Variants in ALPK1 observed in about 807,000 individuals in gnomAD.
ALPK1 encodes the protein alpha kinase 1.
A neutral mutation model predicts 120.6 loss-of-function variants in ALPK1; 110 were observed. That is an observed-to-expected ratio of 0.91 (90% confidence interval 0.78 to 1.07). The LOEUF is 1.07. Among genes scored for constraint, ALPK1 ranks in the 50% least tolerant of loss-of-function variants. The pLI is 0.00. For missense variants in ALPK1, 1,498 were observed against 1,483.9 expected (o/e 1.01, Z -0.16); for synonymous variants, 582 against 560.3 (o/e 1.04, Z -0.55).
intron 4 of ALPK1, among the ~76,000 whole-genome samples, chr4:112,390,326 A>G (rs914399871): frequency 6.6e-6 from 1 of 152,134 alleles, no homozygotes; most frequent in African/African-American, 2.4e-5. Flanking sequence ...CTCAGCTCAC[A>G]TCTCAGTTCT....
In ALPK1 at chr4:112,440,987, A is replaced by G; in HGVS notation, c.3609A>G (p.Lys1203=). The G allele has an allele frequency of 6.2e-7, 1 of 1,613,968 alleles. No homozygotes were observed. Among genetic ancestry groups the G allele is most frequent in the South Asian group, 1.1e-5 (1 of 91,076 alleles). The change falls in exon 15 of 16, where the codon AAA becomes AAG. Residue 1203 remains lysine, a synonymous_variant. Coordinates refer to ENST00000650871, the MANE Select transcript of ALPK1 (RefSeq NM_025144.4). ...TDPQIHSVDQ[K]VFTTNFGKRG... Reference sequence around the variant, plus strand: ...CCCAGATTCACTCCGTTGATCAGAAAGTTTTCACTACCAATTTTGGAAAGA... The same window carrying G: ...CCCAGATTCACTCCGTTGATCAGAAGGTTTTCACTACCAATTTTGGAAAGA...
Position 112,382,407 on chromosome 4 carries a change from C to G in ALPK1, c.131C>G (p.Pro44Arg). ...ACTCTGACCTTTTCAGCTTTACTCC[C>G]CAGCGAGTTAAGGACCCTGATCCAG... ...SEDQRCRALL[P>R]SELRTLIQEA... The change falls in exon 4 of 16, where the codon CCC becomes CGC. Residue 44 changes from proline (P) to arginine (R), a missense_variant. Pro to Arg is a moderately radical substitution (Grantham distance 103). Coordinates refer to ENST00000650871, the MANE Select transcript of ALPK1 (RefSeq NM_025144.4). The G allele has an allele frequency of 6.2e-7, 1 of 1,613,268 alleles. No homozygotes were observed. The highest frequency in any genetic ancestry group is 1.1e-5 in the South Asian group (1 of 91,032).
chr4:112,369,488 T>A (rs1411179365), intron 2 of ALPK1, among the ~76,000 whole-genome samples: 6 of 152,166 alleles, frequency 3.9e-5, no homozygotes, highest in African/African-American at 1.4e-4. Context: ...CCTTTTCCTA[T>A]AGAAACAATA....
intron 2 of ALPK1, among the ~76,000 whole-genome samples, chr4:112,334,946 T>C (rs1729544754): frequency 6.6e-6 from 1 of 152,198 alleles, no homozygotes; most frequent in Admixed American, 6.5e-5. Flanking sequence ...ATTCCAGGGG[T>C]TCACAGTACC....
At chr4:112,303,179 C>G (rs747611654) in intron 1 of ALPK1, among the ~76,000 whole-genome samples, 1 of 152,150 alleles carries the variant, frequency 6.6e-6, no homozygotes, top group Non-Finnish European at 1.5e-5. Context: ...TCTCTACCCT[C>G]TTTCTCTCTT....
intron 4 of ALPK1, among the ~76,000 whole-genome samples, chr4:112,390,089 G>C (rs1262529469): frequency 6.6e-6 from 1 of 152,162 alleles, no homozygotes; most frequent in Non-Finnish European, 1.5e-5. Flanking sequence ...TACAACTCTA[G>C]TCTGTCACCC....
chr4:112,382,608 T>C (rs1731976225), intron 4 of ALPK1, 56 bp downstream of exon 4: 21 of 1,610,604 alleles, frequency 1.3e-5, no homozygotes, highest in Non-Finnish European at 1.7e-5. Flanking sequence ...GCATTTAGAC[T>C]CTAAGTGGTC....
chr4:112,356,789 A>T (rs1730642218), intron 2 of ALPK1: 2 of 735,856 alleles, frequency 2.7e-6, no homozygotes, highest in Admixed American at 1.7e-5. Flanking sequence ...GCAAGCCGAC[A>T]TCGTCTTCAT....
intron 2 of ALPK1, among the ~76,000 whole-genome samples, chr4:112,344,273 G>A (rs1272018774): frequency 6.6e-6 from 1 of 152,220 alleles, no homozygotes; most frequent in Non-Finnish European, 1.5e-5. Flanking sequence ...AGAAGACAGT[G>A]TGACAGGAGA....
At chr4:112,416,430 G>T (rs1188737446) in intron 5 of ALPK1, among the ~76,000 whole-genome samples, 1 of 152,086 alleles carries the variant, frequency 6.6e-6, no homozygotes, top group East Asian at 1.9e-4. Flanking sequence ...GAAGCACAGA[G>T]AGCTAAGTAG....
At chr4:112,341,359 T>C (rs1729855411) in intron 2 of ALPK1, among the ~76,000 whole-genome samples, 1 of 152,196 alleles carries the variant, frequency 6.6e-6, no homozygotes, top group South Asian at 2.1e-4. Flanking sequence ...ATTTCCCCAA[T>C]TGTCGCTTGT....
At chr4:112,386,985 A>C (rs1732181249) in intron 4 of ALPK1, among the ~76,000 whole-genome samples, 1 of 152,270 alleles carries the variant, frequency 6.6e-6, no homozygotes, top group East Asian at 1.9e-4. Flanking sequence ...AGGGCATTTC[A>C]GTCTGTGAAA....
At chr4:112,357,056 A>G (rs1730662053) in intron 2 of ALPK1, 3 of 905,472 alleles carry the variant, frequency 3.3e-6, no homozygotes, top group South Asian at 2.9e-5. Context: ...AGGGCTGAAC[A>G]TGGAGCTGGA....
Position 112,441,373 on chromosome 4 carries a change from T to C in ALPK1, c.*163T>C. 1.4e-6 allele frequency: 1 copy of C among 722,700 alleles called. No individual in the cohort carries two copies. The highest frequency in any genetic ancestry group is 2.5e-5 in the East Asian group (1 of 40,620). The allele number at this position is 722,700 out of a possible 1,614,324, so 44.8% of individuals were successfully genotyped here. On this transcript the variant is annotated 3_prime_UTR_variant, in exon 16 of 16. Transcript: ENST00000650871. The stretch of plus-strand genomic sequence containing the variant: ...TTCCCTCTGCCACAGTTATCAAGAA[T>C]GGGTCAGGAGACCGCTGCTTCTGGG...
At chr4:112,362,783 A>C (rs748603447) in intron 2 of ALPK1, among the ~76,000 whole-genome samples, 2 of 152,244 alleles carry the variant, frequency 1.3e-5, no homozygotes, top group Non-Finnish European at 2.9e-5. Context: ...GCACATAGTC[A>C]TCAGGTTATC....
chr4:112,321,397 G>T (rs1005197753), intron 2 of ALPK1, among the ~76,000 whole-genome samples: 11 of 151,972 alleles, frequency 7.2e-5, no homozygotes, highest in Non-Finnish European at 1.5e-5. Flanking sequence ...GTTTGGGTTT[G>T]GTTTGTTCTT....
At chr4:112,386,352 C>T (rs188915310) in intron 4 of ALPK1, among the ~76,000 whole-genome samples, 1 of 152,318 alleles carries the variant, frequency 6.6e-6, no homozygotes, top group African/African-American at 2.4e-5. Flanking sequence ...AGAAAAAACA[C>T]CTGCAGTACG....
intron 6 of ALPK1, chr4:112,425,155 T>G (rs1459868072): frequency 6.6e-6 from 1 of 152,418 alleles, no homozygotes; most frequent in East Asian, 1.9e-4. Context: ...AATCTTCTCA[T>G]ACCCTCTTGG....
intron 10 of ALPK1, 105 bp from the exon 11 acceptor site, chr4:112,430,343 T>C (rs1734480913): frequency 2.6e-6 from 3 of 1,141,430 alleles, no homozygotes; most frequent in South Asian, 3.3e-5. Flanking sequence ...GTGTTCATTT[T>C]TCTATAATAT....
Sources: allele counts gnomAD v4.1 joint callset (sites outside exome capture counted in the v4.1 genomes callset), GRCh38; gene constraint gnomAD v4.1.1; transcripts MANE v1.5; gene names NCBI Gene and HGNC (gene_info 2026-07-23, HGNC 2026-07-21).